TSNARE1: variants seen among roughly 807,000 people sequenced by gnomAD.
The protein encoded by TSNARE1 is t-SNARE domain containing 1, also known as t-SNARE domain-containing protein 1.
A neutral mutation model predicts 62.0 loss-of-function variants in TSNARE1; 49 were observed. The ratio of observed to expected loss-of-function variants is 0.79; its 90% CI spans 0.63 to 1.00. The LOEUF is 1.00. TSNARE1 is among the 50% of genes least tolerant of loss of function. The pLI is 0.00. For synonymous variants in TSNARE1, 328 were observed against 294.4 expected (o/e 1.11, Z -1.17); for missense variants, 755 against 700.1 (o/e 1.08, Z -0.88).
intron 12 of TSNARE1, among the ~76,000 whole-genome samples, chr8:142,259,558 T>C (rs1224502893): frequency 6.6e-6 from 1 of 152,248 alleles, no homozygotes; most frequent in Non-Finnish European, 1.5e-5. Flanking sequence ...CAGTGTTCTC[T>C]GTACCCGCGG....
intron 1 of TSNARE1, among the ~76,000 whole-genome samples, chr8:142,385,082 A>G (rs552798189): frequency 6.6e-6 from 1 of 152,272 alleles, no homozygotes; most frequent in African/African-American, 2.4e-5. Flanking sequence ...GAGGTGAGAG[A>G]AAGAGAGAGA....
At chr8:142,241,100 T>C (rs1817651285) in intron 12 of TSNARE1, among the ~76,000 whole-genome samples, 1 of 152,216 alleles carries the variant, frequency 6.6e-6, no homozygotes, top group Non-Finnish European at 1.5e-5. Context: ...GCAGACGACA[T>C]GGTCTTACTG....
intron 1 of TSNARE1, among the ~76,000 whole-genome samples, chr8:142,376,545 G>GC (rs1836358295): frequency 6.6e-6 from 1 of 152,110 alleles, no homozygotes; most frequent in Non-Finnish European, 1.5e-5. Flanking sequence ...CCAGAAGAGG[G>GC]CCCCCCAGAA....
intron 11 of TSNARE1, chr8:142,278,141 ACAAGGCCTAGTGCCCAGGCCCATCGCC>A: frequency 1.0e-6 from 1 of 984,824 alleles, no homozygotes; most frequent in South Asian, 4.7e-5. Flanking sequence ...AAGCCCCACC[ACAAGGCCTAGTGCCCAGGCCCATCGCC>A]CAAGGCCCAC....
intron 1 of TSNARE1, among the ~76,000 whole-genome samples, chr8:142,358,086 G>T (rs7817827): frequency 1.6e-4 from 13 of 82,678 alleles, no homozygotes; most frequent in African/African-American, 9.8e-4. Context: ...GGGTCTGCTG[G>T]GTTTCAGGAC....
intron 1 of TSNARE1, among the ~76,000 whole-genome samples, chr8:142,358,104 A>G (rs7838268): frequency 5.4e-4 from 36 of 67,286 alleles, no homozygotes; most frequent in African/African-American, 8.6e-4. Context: ...GACAAGGGGA[A>G]CAGCCAGCGG....
At chr8:142,386,519 T>C (rs1224958423) in intron 1 of TSNARE1, among the ~76,000 whole-genome samples, 1 of 152,102 alleles carries the variant, frequency 6.6e-6, no homozygotes, top group Middle Eastern at 3.2e-3. Flanking sequence ...TCAATAAATG[T>C]ACATTAGTTT....
intron 10 of TSNARE1, among the ~76,000 whole-genome samples, chr8:142,293,526 G>A (rs1407593391): frequency 6.6e-6 from 1 of 152,240 alleles, no homozygotes; most frequent in Admixed American, 6.5e-5. Context: ...CTCCAGGAGA[G>A]ACCTGCCCAG....
chr8:142,224,759 G>A (rs1816694115), intron 13 of TSNARE1, among the ~76,000 whole-genome samples: 2 of 151,954 alleles, frequency 1.3e-5, no homozygotes, highest in Non-Finnish European at 2.9e-5. Context: ...CTCCCAGGCT[G>A]GCATGGCCTC....
At chr8:142,236,197 T>G (rs1022861670) in intron 12 of TSNARE1, among the ~76,000 whole-genome samples, 8 of 152,038 alleles carry the variant, frequency 5.3e-5, no homozygotes, top group Non-Finnish European at 1.2e-4. Flanking sequence ...CGAGCCTCCC[T>G]CATGAAGACA....
At chr8:142,376,854 T>G (rs922452347) in intron 1 of TSNARE1, among the ~76,000 whole-genome samples, 2 of 152,196 alleles carry the variant, frequency 1.3e-5, no homozygotes, top group Non-Finnish European at 2.9e-5. Context: ...CAGCCCTTCC[T>G]TGCCCTTCCC....
intron 11 of TSNARE1, among the ~76,000 whole-genome samples, chr8:142,281,354 G>A (rs1339275994): frequency 6.6e-6 from 1 of 152,082 alleles, no homozygotes; most frequent in Non-Finnish European, 1.5e-5. Flanking sequence ...AGGGCGGGAT[G>A]AATGGGTCAG....
intron 13 of TSNARE1, among the ~76,000 whole-genome samples, chr8:142,228,076 C>T (rs913850921): frequency 3.3e-5 from 5 of 152,180 alleles, no homozygotes; most frequent in African/African-American, 7.2e-5. Flanking sequence ...GTCAGCCACA[C>T]GCAGATCCAG....
intron 12 of TSNARE1, among the ~76,000 whole-genome samples, chr8:142,234,182 G>T (rs919521704): frequency 3.3e-5 from 5 of 151,872 alleles, no homozygotes; most frequent in African/African-American, 1.2e-4. Context: ...GTTCAGGGAA[G>T]GTTCCAAGAT....
intron 6 of TSNARE1, among the ~76,000 whole-genome samples, chr8:142,323,432 T>C (rs987902188): frequency 6.6e-6 from 1 of 152,184 alleles, no homozygotes; most frequent in Non-Finnish European, 1.5e-5. Flanking sequence ...CATCGGGGAC[T>C]CTCTGGAACT....
chr8:142,231,243 C>T (rs1156599404), intron 12 of TSNARE1, among the ~76,000 whole-genome samples: 1 of 152,234 alleles, frequency 6.6e-6, no homozygotes, highest in Admixed American at 6.5e-5. Flanking sequence ...TTGGGAAACA[C>T]ATTGCTACCT....
chr8:142,260,814 G>A (rs907672653), intron 12 of TSNARE1, among the ~76,000 whole-genome samples: 2 of 150,978 alleles, frequency 1.3e-5, no homozygotes, highest in African/African-American at 2.4e-5. Flanking sequence ...CCCTGCCCCA[G>A]AGCTAATGTT....
At chr8:142,215,343 C>T (rs1369087816) in intron 13 of TSNARE1, among the ~76,000 whole-genome samples, 5 of 152,186 alleles carry the variant, frequency 3.3e-5, no homozygotes, top group Admixed American at 3.3e-4. Flanking sequence ...CAACACAACG[C>T]AGTGTCCTGG....
At chr8:142,340,031 G>A (rs1832331075) in intron 4 of TSNARE1, among the ~76,000 whole-genome samples, 1 of 152,238 alleles carries the variant, frequency 6.6e-6, no homozygotes, top group Admixed American at 6.5e-5. Flanking sequence ...TCTGGGGCAG[G>A]GTCGGGGCCA....
Sources: allele counts gnomAD v4.1 joint callset (sites outside exome capture counted in the v4.1 genomes callset), GRCh38; gene constraint gnomAD v4.1.1; transcripts MANE v1.5; gene names NCBI Gene and HGNC (gene_info 2026-07-23, HGNC 2026-07-21).